The following NELL1 variants were observed in gnomAD, a reference collection of about 807,000 sequenced individuals.
The protein encoded by NELL1 is neural EGFL like 1.
In NELL1, 76 loss-of-function variants were observed where a neutral mutation model predicts 107.4. The observed-to-expected ratio is 0.71, with a 90% CI of 0.59 to 0.86. The LOEUF is 0.86. Ranked by LOEUF, NELL1 falls within the 40% of genes least tolerant of loss-of-function variation. The pLI is 0.00. For synonymous variants in NELL1, 353 were observed against 341.2 expected, an observed-to-expected ratio of 1.03 and a Z score of -0.38; for missense variants, 1,024 against 1,005.5, an observed-to-expected ratio of 1.02 and a Z score of -0.25.
At chr11:21,425,647 G>T (rs1540120) in intron 15 of NELL1, among the ~76,000 whole-genome samples, 8 of 151,950 alleles carry the variant, frequency 5.3e-5, no homozygotes, top group Non-Finnish European at 1.0e-4. Flanking sequence ...ATAGAGCCCC[G>T]AGAAGTATCA....
intron 12 of NELL1, among the ~76,000 whole-genome samples, chr11:21,004,521 A>G (rs1219619914): frequency 6.6e-6 from 1 of 152,100 alleles, no homozygotes; most frequent in African/African-American, 2.4e-5. Flanking sequence ...TTTTCCACCC[A>G]TCCGGGCATC....
chr11:21,354,905 A>G (rs1850898622), intron 14 of NELL1, among the ~76,000 whole-genome samples: 2 of 152,138 alleles, frequency 1.3e-5, no homozygotes, highest in South Asian at 4.1e-4. Context: ...TGGCTCTGAT[A>G]TAGCAGTGTA....
At chr11:20,748,174 T>C (rs946042548) in intron 2 of NELL1, among the ~76,000 whole-genome samples, 22 of 152,146 alleles carry the variant, frequency 1.4e-4, no homozygotes, top group African/African-American at 5.3e-4. Flanking sequence ...TGACTTAGTG[T>C]TGCACCTAGG....
At chr11:21,099,812 G>A (rs1384198743) in intron 12 of NELL1, among the ~76,000 whole-genome samples, 1 of 152,026 alleles carries the variant, frequency 6.6e-6, no homozygotes, top group Non-Finnish European at 1.5e-5. Context: ...GCTACTCAGG[G>A]GCATGCCTGT....
chr11:21,161,492 A>T (rs943113722), intron 13 of NELL1, among the ~76,000 whole-genome samples: 5 of 152,128 alleles, frequency 3.3e-5, no homozygotes, highest in African/African-American at 1.2e-4. Context: ...AGCCGAGATC[A>T]TGCCACTGCA....
At chr11:21,446,579 G>A (rs1853439059) in intron 15 of NELL1, among the ~76,000 whole-genome samples, 1 of 152,198 alleles carries the variant, frequency 6.6e-6, no homozygotes, top group African/African-American at 2.4e-5. Context: ...CCCAAGTCCA[G>A]TAATGCTGTA....
chr11:20,961,285 G>C (rs1406383622), intron 12 of NELL1, among the ~76,000 whole-genome samples: 1 of 152,178 alleles, frequency 6.6e-6, no homozygotes, highest in East Asian at 1.9e-4. Context: ...GTGGGAGTTA[G>C]TTCGACCTGG....
chr11:21,071,249 A>G (rs1207407754), intron 12 of NELL1, among the ~76,000 whole-genome samples: 1 of 152,218 alleles, frequency 6.6e-6, no homozygotes, highest in Non-Finnish European at 1.5e-5. Context: ...CCAGAATTGC[A>G]TACTCTCTTT....
chr11:21,481,673 T>C (rs919448941), intron 15 of NELL1, among the ~76,000 whole-genome samples: 1 of 152,176 alleles, frequency 6.6e-6, no homozygotes, highest in African/African-American at 2.4e-5. Flanking sequence ...GGCTGGACAT[T>C]GTTGAGACTG....
chr11:20,854,703 C>T, intron 4 of NELL1, among the ~76,000 whole-genome samples: 1 of 16,198 alleles, frequency 6.2e-5, no homozygotes, highest in Non-Finnish European at 1.8e-4. Context: ...AGACATGTGA[C>T]AGTGGACAGC....
chr11:20,691,774 G>C (rs1376636559), intron 2 of NELL1, among the ~76,000 whole-genome samples: 1 of 151,910 alleles, frequency 6.6e-6, no homozygotes, highest in Non-Finnish European at 1.5e-5. Context: ...GACCGGCTTT[G>C]GTATCAGGAT....
chr11:21,490,385 T>C (rs557024033), intron 15 of NELL1, among the ~76,000 whole-genome samples: 7 of 149,756 alleles, frequency 4.7e-5, no homozygotes, highest in African/African-American at 1.7e-4. Flanking sequence ...ACAGATTCAA[T>C]TCAATCCCTA....
Position 20,673,245 on chromosome 11 carries a change from C to A in NELL1, c.55+3467C>A, listed in dbSNP as rs115987761. 9.7e-3 allele frequency among the ~76,000 whole-genome samples: 1,479 copies of A among 152,208 alleles called. 28 individuals are homozygous for A. Among genetic ancestry groups the A allele is most frequent in the African/African-American group, 0.033 (1,387 of 41,490 alleles). ...GGAACTGTGAACATGAGCCCCCAGCCTCCAAGGATCATGGAAAATACTGGC... is the reference window on the plus strand; with the variant it reads ...GGAACTGTGAACATGAGCCCCCAGCATCCAAGGATCATGGAAAATACTGGC... On this transcript the variant is annotated intron_variant, in intron 1 of 19. Coordinates refer to ENST00000357134, the MANE Select transcript of NELL1 (RefSeq NM_006157.5).
rs201170924 is a variant in NELL1 at position 21,534,493 on chromosome 11, C to T, written c.1765C>T (p.Leu589=). The T allele has an allele frequency of 7.4e-6, 12 of 1,613,828 alleles. No individual in the cohort carries two copies. The highest frequency in any genetic ancestry group is 3.3e-5 in the South Asian group (3 of 91,078). ...TTTCCATGACGATGGGACCTATTCA[C>T]TGTCCGGGGAGTCCTGTATTGGTAA... is the stretch of plus-strand genomic sequence containing the variant. ...SGFHDDGTYS[L]SGESCIDIDE... is the part of the protein sequence containing the mutation. Residue 589 remains leucine, a synonymous_variant, in exon 16 of 20, where the codon CTG becomes TTG. Coordinates refer to ENST00000357134, the MANE Select transcript of NELL1 (RefSeq NM_006157.5).
In NELL1 at chr11:21,086,593, C is replaced by G. The variant is rs74416446; in HGVS notation, c.1301-26996C>G. ...ACTTAAACGGAAAGCTTGATGTACCCAGTTACACGTGGGAACTTCTTACTT... is the reference window on the plus strand; with the variant it reads ...ACTTAAACGGAAAGCTTGATGTACCGAGTTACACGTGGGAACTTCTTACTT... On this transcript the variant is annotated intron_variant, in intron 12 of 19. Transcript: ENST00000357134. 5.2e-3 allele frequency among the ~76,000 whole-genome samples: 789 copies of G among 152,212 alleles called. 9 individuals carry two copies. Among genetic ancestry groups the G allele is most frequent in the African/African-American group, 0.018 (761 of 41,538 alleles).
chr11:20,776,676 A>G (rs1856757559), intron 2 of NELL1, among the ~76,000 whole-genome samples: 1 of 152,094 alleles, frequency 6.6e-6, no homozygotes, highest in Non-Finnish European at 1.5e-5. Flanking sequence ...GTTGCTGCAG[A>G]TGGGAGTGTA....
chr11:21,573,264 G>A lies in NELL1; in HGVS notation c.2237G>A (p.Cys746Tyr), dbSNP rs759349839. 6.2e-7 allele frequency: 1 copy of A among 1,612,428 alleles called. No individual in the cohort carries two copies. The highest frequency in any genetic ancestry group is 8.5e-7 in the Non-Finnish European group (1 of 1,179,048). ...EYTAILEGEC[C>Y]PRCVSDPCLA... Reference sequence around the variant, plus strand: ...ACAGCTATCTTAGAAGGGGAATGTTGTCCCCGCTGTGTCAGTGACCCCTGC... The same window carrying A: ...ACAGCTATCTTAGAAGGGGAATGTTATCCCCGCTGTGTCAGTGACCCCTGC... The change falls in exon 19 of 20, where the codon TGT becomes TAT. Residue 746 changes from cysteine to tyrosine, a missense_variant. Cys to Tyr is a radical substitution (Grantham distance 194). Coordinates refer to ENST00000357134, the MANE Select transcript of NELL1 (RefSeq NM_006157.5).
chr11:20,766,012 G>A (rs1590273746), intron 2 of NELL1, among the ~76,000 whole-genome samples: 1 of 152,244 alleles, frequency 6.6e-6, no homozygotes, highest in East Asian at 1.9e-4. Flanking sequence ...GGCAATTGGG[G>A]TCATTGAAGG....
In NELL1 at chr11:21,140,978, A is replaced by G. The variant is rs1398114765; in HGVS notation, c.1426+27264A>G. Among the ~76,000 whole-genome samples, 6 of 152,302 alleles carry G rather than the reference A, an allele frequency of 3.9e-5. No individual in the cohort carries two copies. In the East Asian group the frequency reaches 1.2e-3, roughly 29 times the overall value. On this transcript the variant is annotated intron_variant, in intron 13 of 19. Transcript: ENST00000357134. ...CATTGTGGAAAATACCTGAATGATT[A>G]TTTTTATAGACCCTGCAAAGTAGTC...
Sources: gnomAD v4.1 joint callset for allele counts (sites outside exome capture counted in the v4.1 genomes callset) on GRCh38, gnomAD v4.1.1 for gene constraint, MANE v1.5 for transcripts, NCBI Gene and HGNC (gene_info 2026-07-23, HGNC 2026-07-21) for gene names.